Variants in NEK6 observed in about 807,000 individuals in gnomAD.
The protein encoded by NEK6 is NIMA related kinase 6, also known as serine/threonine-protein kinase Nek6.
Under a neutral mutation model 43.5 loss-of-function variants are expected in NEK6, and 27 were observed. The observed-to-expected ratio is 0.62, with a 90% CI of 0.46 to 0.86. The LOEUF (loss-of-function observed/expected upper bound fraction) is 0.86. Ranked by LOEUF, NEK6 falls within the 40% of genes least tolerant of loss-of-function variation. NEK6 has a pLI of 0.00. For missense variants in NEK6, 318 were observed against 414.4 expected (o/e 0.77, Z 2.02); for synonymous variants, 167 against 164.1 (o/e 1.02, Z -0.14).
intron 2 of NEK6, among the ~76,000 whole-genome samples, chr9:124,309,145 C>T (rs1042698913): frequency 6.6e-6 from 1 of 152,188 alleles, no homozygotes; most frequent in Non-Finnish European, 1.5e-5. Context: ...TGTGGCAGCC[C>T]TGGGAGTGCA....
chr9:124,288,777 G>T (rs1462273650), intron 1 of NEK6, among the ~76,000 whole-genome samples: 1 of 152,098 alleles, frequency 6.6e-6, no homozygotes, highest in African/African-American at 2.4e-5. Context: ...TCACATGGGC[G>T]GATGGAGGCA....
chr9:124,346,431 CGGTTCCCCA>C (rs929701796), intron 8 of NEK6, among the ~76,000 whole-genome samples: 2 of 152,190 alleles, frequency 1.3e-5, no homozygotes, highest in African/African-American at 4.8e-5. Flanking sequence ...GGACAAGCGA[CGGTTCCCCA>C]GGTATCCCAG....
intron 9 of NEK6, among the ~76,000 whole-genome samples, chr9:124,349,914 A>T (rs1196078761): frequency 1.3e-5 from 2 of 152,230 alleles, no homozygotes; most frequent in Admixed American, 1.3e-4. Flanking sequence ...TCTGTGGCCC[A>T]GGGAGAAAAT....
At chr9:124,331,662 A>C (rs373169624) in intron 7 of NEK6, among the ~76,000 whole-genome samples, 49 of 152,322 alleles carry the variant, frequency 3.2e-4, no homozygotes, top group African/African-American at 1.1e-3. Context: ...GGAAGGACAG[A>C]GCCTCCTCTC....
chr9:124,342,684 C>T (rs1829704060), intron 8 of NEK6, among the ~76,000 whole-genome samples: 2 of 152,374 alleles, frequency 1.3e-5, no homozygotes, highest in South Asian at 2.1e-4. Flanking sequence ...CCTCAGTCTC[C>T]GAGGAGGCTC....
At chr9:124,280,365 C>T (rs1300639967) in intron 1 of NEK6, among the ~76,000 whole-genome samples, 2 of 152,210 alleles carry the variant, frequency 1.3e-5, no homozygotes, top group South Asian at 2.1e-4. Context: ...TGGAAGGGTA[C>T]GGCGTCAGAC....
chr9:124,288,149 A>C (rs550613135), intron 1 of NEK6, among the ~76,000 whole-genome samples: 42 of 152,362 alleles, frequency 2.8e-4, no homozygotes, highest in African/African-American at 9.1e-4. Flanking sequence ...CCTGGTGTCC[A>C]TAAGGCTGGG....
Position 124,301,986 on chromosome 9 carries a change from A to G in NEK6, c.22A>G (p.Met8Val), listed in dbSNP as rs780230637. Residue 8 changes from methionine (M) to valine (V), a missense_variant, in exon 2 of 10, where the codon ATG becomes GTG. By Grantham distance (21) the Met-to-Val change is conservative. Transcript: ENST00000320246. ...CAGGATGGCAGGACAGCCCGGCCAC[A>G]TGCCCCATGGAGGGAGTTCCAACAA... is the stretch of plus-strand genomic sequence containing the variant. MAGQPGHMPHGGSSNNLC... is the reference protein window; with the variant it reads MAGQPGHVPHGGSSNNLC... The G allele has an allele frequency of 2.5e-6, 4 of 1,603,562 alleles. No individual in the cohort carries two copies. Among genetic ancestry groups the G allele is most frequent in the Non-Finnish European group, 3.4e-6 (4 of 1,175,038 alleles).
intron 7 of NEK6, among the ~76,000 whole-genome samples, chr9:124,329,972 G>A (rs3824363): frequency 6.6e-6 from 1 of 152,232 alleles, no homozygotes; most frequent in East Asian, 1.9e-4. Context: ...GGGATGCTGT[G>A]GTGGCAGCCA....
At chr9:124,285,515 G>C (rs1172902182) in intron 1 of NEK6, among the ~76,000 whole-genome samples, 1 of 152,092 alleles carries the variant, frequency 6.6e-6, no homozygotes, top group Non-Finnish European at 1.5e-5. Flanking sequence ...GGAGCCTCCC[G>C]AGAGTCTCCC....
chr9:124,313,828 G>A (rs1833673491), intron 3 of NEK6, 95 bp from the exon 4 acceptor site: 3 of 1,240,544 alleles, frequency 2.4e-6, no homozygotes. Context: ...TGAGGAGGTG[G>A]GAGAGCCGGG....
chr9:124,339,605 C>T lies in NEK6; in HGVS notation c.657C>T (p.Ile219=). The T allele has an allele frequency of 6.2e-7, 1 of 1,614,098 alleles. No homozygotes were observed. The highest frequency in any genetic ancestry group is 8.5e-7 in the Non-Finnish European group (1 of 1,179,964). ...CCTACTACATGTCACCGGAGAGGATCCATGAGAACGGCTACAACTTCAAGT... is the reference window on the plus strand; with the variant it reads ...CCTACTACATGTCACCGGAGAGGATTCATGAGAACGGCTACAACTTCAAGT... ...GTPYYMSPER[I]HENGYNFKSD... The change falls in exon 8 of 10, where the codon ATC becomes ATT. Residue 219 remains isoleucine (I), a synonymous_variant. Transcript: ENST00000320246.
At chr9:124,293,759 CG>C (rs1564627355) in intron 1 of NEK6, among the ~76,000 whole-genome samples, 1 of 152,182 alleles carries the variant, frequency 6.6e-6, no homozygotes, top group African/African-American at 2.4e-5. Flanking sequence ...CTCTTTTCAC[CG>C]GGCCTGGGTG....
At chr9:124,347,848 C>T (rs773082656) in intron 9 of NEK6, 26 bp downstream of exon 9, 8 of 1,501,318 alleles carry the variant, frequency 5.3e-6, no homozygotes, top group African/African-American at 1.4e-5. Context: ...CCGGAGGCCT[C>T]GCCAGCCCCA....
intron 2 of NEK6, among the ~76,000 whole-genome samples, chr9:124,306,215 G>C (rs904879307): frequency 2.0e-5 from 3 of 152,280 alleles, no homozygotes; most frequent in Non-Finnish European, 4.4e-5. Flanking sequence ...GGGGTTGTCA[G>C]GAGTGGCAGC....
chr9:124,278,391 TA>T (rs5900604), intron 1 of NEK6, among the ~76,000 whole-genome samples: 13,039 of 152,262 alleles, frequency 0.086, 886 homozygotes, highest in East Asian at 0.35. Context: ...TAGGTTCCCC[TA>T]GGTGAGCAGT....
At chr9:124,337,373 C>T (rs1829350584) in intron 7 of NEK6, among the ~76,000 whole-genome samples, 5 of 152,236 alleles carry the variant, frequency 3.3e-5, no homozygotes, top group Non-Finnish European at 7.3e-5. Context: ...GCCCCATCTT[C>T]ACCATTAACA....
upstream of NEK6, chr9:124,257,636 G>A (rs1259370239): frequency 6.6e-7 from 1 of 1,509,632 alleles, no homozygotes; most frequent in Admixed American, 2.1e-5. Context: ...ATCCGAAGAC[G>A]CACAGGAGTC....
intron 5 of NEK6, among the ~76,000 whole-genome samples, chr9:124,323,923 T>C (rs775357602): frequency 4.6e-5 from 7 of 152,136 alleles, no homozygotes; most frequent in African/African-American, 7.2e-5. Context: ...CCCAGCAGGA[T>C]TGAGTCTAGG....
Sources: gnomAD v4.1 joint callset for allele counts (sites outside exome capture counted in the v4.1 genomes callset) on GRCh38, gnomAD v4.1.1 for gene constraint, MANE v1.5 for transcripts, NCBI Gene and HGNC (gene_info 2026-07-23, HGNC 2026-07-21) for gene names.